WWOX: variants seen among roughly 807,000 people sequenced by gnomAD.
WWOX encodes the protein WW domain containing oxidoreductase.
Under a neutral mutation model 46.2 loss-of-function variants are expected in WWOX, and 69 were observed. That is an observed-to-expected ratio of 1.49 (90% confidence interval 1.23 to 1.82). WWOX has a LOEUF of 1.82. WWOX is among the 40% of genes most tolerant of loss of function. The pLI, the probability that WWOX is intolerant of heterozygous loss-of-function variation, is 0.00. For synonymous variants in WWOX, 359 were observed against 202.6 expected (o/e 1.77, Z -6.56); for missense variants, 919 against 542.6 (o/e 1.69, Z -6.89).
intron 8 of WWOX, among the ~76,000 whole-genome samples, chr16:78,884,391 AC>A (rs1477934834): frequency 6.6e-6 from 1 of 152,178 alleles, no homozygotes; most frequent in African/African-American, 2.4e-5. Context: ...ATTCATTATA[AC>A]ACACTGAATC....
intron 8 of WWOX, among the ~76,000 whole-genome samples, chr16:78,727,053 G>A (rs560748548): frequency 1.2e-3 from 187 of 152,224 alleles, no homozygotes; most frequent in African/African-American, 3.8e-3. Context: ...ACGTGGCATC[G>A]CCAGTCCCAG....
At chr16:79,005,080 G>T (rs1275510899) in intron 8 of WWOX, among the ~76,000 whole-genome samples, 3 of 152,166 alleles carry the variant, frequency 2.0e-5, no homozygotes, top group African/African-American at 4.8e-5. Context: ...GCACATGGAT[G>T]CAGTCAGTCC....
chr16:79,036,898 C>T (rs1385614979), intron 8 of WWOX, among the ~76,000 whole-genome samples: 1 of 152,158 alleles, frequency 6.6e-6, no homozygotes, highest in Non-Finnish European at 1.5e-5. Context: ...GGGATTCTTT[C>T]AGATGGGCAA....
chr16:78,942,848 C>G (rs2045878759), intron 8 of WWOX, among the ~76,000 whole-genome samples: 1 of 152,164 alleles, frequency 6.6e-6, no homozygotes, highest in Admixed American at 6.5e-5. Flanking sequence ...TCCCGTGGCT[C>G]AGGTCCTAGG....
At chr16:78,801,462 T>C (rs1033130190) in intron 8 of WWOX, among the ~76,000 whole-genome samples, 1 of 152,146 alleles carries the variant, frequency 6.6e-6, no homozygotes, top group African/African-American at 2.4e-5. Context: ...TAAGCTGATA[T>C]CATGTCACCG....
At chr16:78,795,063 G>A (rs1489341247) in intron 8 of WWOX, among the ~76,000 whole-genome samples, 1 of 152,200 alleles carries the variant, frequency 6.6e-6, no homozygotes, top group Non-Finnish European at 1.5e-5. Context: ...CATTTTGGAC[G>A]TTGGTGCTTA....
At chr16:78,785,797 GGATA>G (rs72124058) in intron 8 of WWOX, among the ~76,000 whole-genome samples, 5,070 of 152,254 alleles carry the variant, frequency 0.033, 114 homozygotes, top group East Asian at 0.1. Context: ...TTGCTGAATT[GGATA>G]ATGGTTTTAA....
At chr16:78,584,518 A>G (rs1462837608) in intron 8 of WWOX, among the ~76,000 whole-genome samples, 1 of 152,250 alleles carries the variant, frequency 6.6e-6, no homozygotes, top group African/African-American at 2.4e-5. Flanking sequence ...TAAGCCCGGC[A>G]TATAACGGGA....
Position 78,149,027 on chromosome 16 carries a change from C to T in WWOX, c.410-15156C>T, listed in dbSNP as rs187837830. Among the ~76,000 whole-genome samples the T allele has an allele frequency of 9.7e-4, 147 of 151,428 alleles. 1 individual carries two copies. Among genetic ancestry groups the T allele is most frequent in the African/African-American group, 3.3e-3 (137 of 41,202 alleles). On this transcript the variant is annotated intron_variant, in intron 4 of 8. Coordinates refer to ENST00000566780, the MANE Select transcript of WWOX (RefSeq NM_016373.4). ...TATTTTTTTGAGACAGAATCTGCTC[C>T]ATCACTCAGGCTGGAGGGCAGTGGC...
intron 5 of WWOX, among the ~76,000 whole-genome samples, chr16:78,303,774 C>A (rs970326676): frequency 2.0e-5 from 3 of 152,126 alleles, no homozygotes; most frequent in African/African-American, 4.8e-5. Flanking sequence ...AAACTCCCGA[C>A]CTGAGATGAT....
At chr16:78,141,754 GT>G (rs918345745) in intron 4 of WWOX, among the ~76,000 whole-genome samples, 10 of 151,462 alleles carry the variant, frequency 6.6e-5, no homozygotes, top group Non-Finnish European at 1.2e-4. Context: ...CATTGTAATG[GT>G]TTTTTTTGGA....
chr16:79,159,605 C>G (rs112513090), intron 8 of WWOX, among the ~76,000 whole-genome samples: 1 of 152,330 alleles, frequency 6.6e-6, no homozygotes, highest in African/African-American at 2.4e-5. Flanking sequence ...CTCAGGGTAG[C>G]TGATGAGTCC....
chr16:78,441,750 C>T (rs1186762075), intron 8 of WWOX, among the ~76,000 whole-genome samples: 7 of 151,994 alleles, frequency 4.6e-5, no homozygotes, highest in Non-Finnish European at 2.9e-5. Context: ...GAATTAAAGA[C>T]GTTATGAACT....
intron 5 of WWOX, among the ~76,000 whole-genome samples, chr16:78,353,584 C>G (rs148947264): frequency 1.3e-5 from 2 of 152,280 alleles, no homozygotes; most frequent in East Asian, 3.9e-4. Context: ...TGGTATTCAC[C>G]AAGGAATTTA....
intron 8 of WWOX, among the ~76,000 whole-genome samples, chr16:78,930,812 C>A (rs145270923): frequency 6.6e-6 from 1 of 152,048 alleles, no homozygotes; most frequent in Non-Finnish European, 1.5e-5. Flanking sequence ...TGCTGAGTAC[C>A]CGCTGTTCAT....
chr16:79,149,276 T>C (rs569976842), intron 8 of WWOX, among the ~76,000 whole-genome samples: 8 of 152,364 alleles, frequency 5.3e-5, no homozygotes, highest in Admixed American at 5.2e-4. Context: ...AACTGCTTTT[T>C]GTATGCCAAT....
At chr16:78,374,997 C>T (rs889141786) in intron 5 of WWOX, among the ~76,000 whole-genome samples, 3 of 152,122 alleles carry the variant, frequency 2.0e-5, no homozygotes, top group African/African-American at 4.8e-5. Context: ...CATTTTCTGT[C>T]TTTACTGGTA....
intron 8 of WWOX, among the ~76,000 whole-genome samples, chr16:78,972,698 TCTC>T (rs2046495828): frequency 6.6e-6 from 1 of 152,182 alleles, no homozygotes; most frequent in Non-Finnish European, 1.5e-5. Context: ...TCAGCTGCCT[TCTC>T]CTCCCTGACC....
chr16:79,003,444 C>T (rs2047132741), intron 8 of WWOX, among the ~76,000 whole-genome samples: 1 of 152,140 alleles, frequency 6.6e-6, no homozygotes, highest in Non-Finnish European at 1.5e-5. Flanking sequence ...ACAAGGTGTA[C>T]CCCTCAATTT....
Sources: gnomAD v4.1 joint callset for allele counts (sites outside exome capture counted in the v4.1 genomes callset) on GRCh38, gnomAD v4.1.1 for gene constraint, MANE v1.5 for transcripts, NCBI Gene and HGNC (gene_info 2026-07-23, HGNC 2026-07-21) for gene names.